The following IQGAP2 variants were observed in gnomAD, a reference collection of about 807,000 sequenced individuals.
The protein encoded by IQGAP2 is IQ motif containing GTPase activating protein 2.
In IQGAP2, 173 loss-of-function variants were observed where a neutral mutation model predicts 201.3. The observed-to-expected ratio is 0.86, with a 90% CI of 0.76 to 0.98. The LOEUF (loss-of-function observed/expected upper bound fraction) is 0.98, where lower values mean the gene tolerates loss of function less well. Ranked by LOEUF, IQGAP2 falls within the 50% of genes least tolerant of loss-of-function variation. The probability of loss-of-function intolerance (pLI) is 0.00; values close to 1 mark genes in which losing one functional copy is unlikely to be tolerated. For missense variants in IQGAP2, 1,687 were observed against 1,864.8 expected (o/e 0.90, Z 1.76); for synonymous variants, 675 against 673.9 (o/e 1.00, Z -0.03).
chr5:76,632,670 A>G (rs1750805880), intron 15 of IQGAP2, among the ~76,000 whole-genome samples: 1 of 152,170 alleles, frequency 6.6e-6, no homozygotes. Flanking sequence ...TTAAGCACCT[A>G]CTATTTCCTA....
intron 1 of IQGAP2, among the ~76,000 whole-genome samples, chr5:76,429,860 G>C (rs6880118): frequency 1.4e-5 from 2 of 144,630 alleles, no homozygotes; most frequent in African/African-American, 5.2e-5. Flanking sequence ...AGGAGACACA[G>C]ACACACACAC....
At chr5:76,429,598 G>GTATTTATATATATATATATATATA (rs1752232496) in intron 1 of IQGAP2, among the ~76,000 whole-genome samples, 1 of 117,674 alleles carries the variant, frequency 8.5e-6, no homozygotes, top group African/African-American at 2.8e-5. Flanking sequence ...ATATATATAT[G>GTATTTATATATATATATATATATA]TATATTTATA....
At chr5:76,610,016 A>AT (rs1265107999) in intron 12 of IQGAP2, among the ~76,000 whole-genome samples, 2 of 121,588 alleles carry the variant, frequency 1.6e-5, no homozygotes, top group African/African-American at 3.1e-5. Context: ...TGTGCTTTTC[A>AT]TTTGTGAACC....
At chr5:76,642,046 A>G (rs1422071522) in intron 17 of IQGAP2, among the ~76,000 whole-genome samples, 1 of 152,178 alleles carries the variant, frequency 6.6e-6, no homozygotes, top group South Asian at 2.1e-4. Context: ...TAATTTTATA[A>G]AAGAAATTTC....
intron 2 of IQGAP2, among the ~76,000 whole-genome samples, chr5:76,547,169 G>A (rs146509399): frequency 2.6e-5 from 4 of 152,294 alleles, no homozygotes; most frequent in Admixed American, 6.5e-5. Context: ...CCTTTAGGCT[G>A]TAGAGGAATC....
chr5:76,673,908 G>T (rs774877411), intron 25 of IQGAP2, 44 bp from the exon 26 acceptor site: 79 of 1,156,880 alleles, frequency 6.8e-5, no homozygotes, highest in South Asian at 4.8e-4. Context: ...TCCTCACTCC[G>T]CCTTTTTTCC....
intron 23 of IQGAP2, among the ~76,000 whole-genome samples, chr5:76,670,931 C>G (rs1356340888): frequency 1.3e-5 from 2 of 152,222 alleles, no homozygotes; most frequent in African/African-American, 4.8e-5. Flanking sequence ...GAGGCTGTGA[C>G]TTTATTTTCA....
chr5:76,570,419 C>A (rs1358148316), intron 3 of IQGAP2, among the ~76,000 whole-genome samples, 161 bp from the exon 4 acceptor site: 2 of 152,204 alleles, frequency 1.3e-5, no homozygotes, highest in Non-Finnish European at 2.9e-5. Context: ...TGCCAAGATA[C>A]ATCCTTTAGC....
At chr5:76,478,253 T>C (rs1755566547) in intron 2 of IQGAP2, among the ~76,000 whole-genome samples, 1 of 152,038 alleles carries the variant, frequency 6.6e-6, no homozygotes, top group Non-Finnish European at 1.5e-5. Context: ...ATACAAAAAT[T>C]AGCCAGGCGT....
chr5:76,450,974 C>T (rs1753704696), intron 1 of IQGAP2, among the ~76,000 whole-genome samples: 1 of 152,120 alleles, frequency 6.6e-6, no homozygotes, highest in Admixed American at 6.5e-5. Flanking sequence ...CATATGCTTG[C>T]ATTAATAGCA....
At chr5:76,452,174 CCG>C (rs1753797872) in intron 1 of IQGAP2, among the ~76,000 whole-genome samples, 1 of 147,478 alleles carries the variant, frequency 6.8e-6, no homozygotes, top group Non-Finnish European at 1.5e-5. Context: ...GGTGATCTAC[CCG>C]AGTGCTGGGA....
chr5:76,677,103 A>C (rs532359089), intron 27 of IQGAP2, 115 bp from the exon 28 acceptor site: 2 of 1,006,862 alleles, frequency 2.0e-6, no homozygotes, highest in Admixed American at 2.4e-5. Context: ...CGTCCTCTCA[A>C]GGTTTGAGAT....
intron 17 of IQGAP2, among the ~76,000 whole-genome samples, chr5:76,645,826 AT>A (rs1351933834): frequency 8.3e-5 from 2 of 24,188 alleles, no homozygotes; most frequent in Non-Finnish European, 2.2e-4. Context: ...TCCTTAGTAT[AT>A]TAAAAAAAAA....
chr5:76,601,018 T>C (rs1408795239), intron 11 of IQGAP2, 46 bp downstream of exon 11: 1 of 1,581,680 alleles, frequency 6.3e-7, no homozygotes, highest in Admixed American at 1.7e-5. Flanking sequence ...AAATGCATGT[T>C]TGGCAGATCT....
chr5:76,698,557 A>T (rs759342546), intron 33 of IQGAP2, among the ~76,000 whole-genome samples: 2 of 152,216 alleles, frequency 1.3e-5, no homozygotes, highest in Non-Finnish European at 2.9e-5. Context: ...AGAGCAGCTG[A>T]ATGTTTTTAA....
chr5:76,575,777 GA>G lies in IQGAP2; in HGVS notation c.458+12del. On this transcript the variant is annotated intron_variant, in intron 5 of 35. Transcript: ENST00000274364. ...TTGCATTCACGCACTGAGGTAGGGG[GA>G]AAATGCAGCTAAAAGGTGCTCTAAG... The G allele has an allele frequency of 6.6e-6, 10 of 1,518,924 alleles. No homozygotes were observed. Among genetic ancestry groups the G allele is most frequent in the Admixed American group, 1.8e-5 (1 of 54,172 alleles). 94.1% of individuals were successfully genotyped at this position (1,518,924 alleles called of 1,614,324 possible). A position where few individuals can be genotyped will look rare whatever the true frequency, so the allele number is the denominator to read the frequency against.
At chr5:76,567,640 A>G (rs1172928929) in intron 3 of IQGAP2, among the ~76,000 whole-genome samples, 1 of 152,142 alleles carries the variant, frequency 6.6e-6, no homozygotes, top group Non-Finnish European at 1.5e-5. Flanking sequence ...TCTGCAAGGG[A>G]GTCTTAACCT....
chr5:76,534,781 A>G (rs1759522421), intron 2 of IQGAP2, among the ~76,000 whole-genome samples: 1 of 152,224 alleles, frequency 6.6e-6, no homozygotes, highest in East Asian at 1.9e-4. Flanking sequence ...ATCAAGGCTT[A>G]TTATCCTTTC....
At chr5:76,510,054 C>G (rs1281614848) in intron 2 of IQGAP2, among the ~76,000 whole-genome samples, 1 of 147,862 alleles carries the variant, frequency 6.8e-6, no homozygotes, top group Admixed American at 6.9e-5. Flanking sequence ...GGCTGGAGTA[C>G]AGCAGCTCAA....
Sources: gnomAD v4.1 joint callset for allele counts (sites outside exome capture counted in the v4.1 genomes callset) on GRCh38, gnomAD v4.1.1 for gene constraint, MANE v1.5 for transcripts, NCBI Gene and HGNC (gene_info 2026-07-23, HGNC 2026-07-21) for gene names.